SPG11: variants seen among roughly 807,000 people sequenced by gnomAD.
The protein encoded by SPG11 is SPG11 vesicle trafficking associated, spatacsin, also known as spatacsin.
Under a neutral mutation model 274.0 loss-of-function variants are expected in SPG11, and 222 were observed. That is an observed-to-expected ratio of 0.81 (90% CI 0.73 to 0.91). The LOEUF (loss-of-function observed/expected upper bound fraction) is 0.91. SPG11 is among the 40% of genes least tolerant of loss of function. The pLI is 0.00. For synonymous variants in SPG11, 1,144 were observed against 1,039.7 expected (o/e 1.10, Z -1.93); for missense variants, 3,114 against 2,872.7 (o/e 1.08, Z -1.92).
intron 24 of SPG11, 152 bp from the exon 25 acceptor site, chr15:44,596,507 C>T (rs926795322): frequency 2.0e-6 from 2 of 991,202 alleles, no homozygotes; most frequent in African/African-American, 1.6e-5. Flanking sequence ...CTGTATGGTG[C>T]CTTTTAATGA....
chr15:44,598,171 T>G, intron 23 of SPG11, 94 bp downstream of exon 23: 1 of 846,834 alleles, frequency 1.2e-6, no homozygotes, highest in Non-Finnish European at 2.0e-6. Context: ...GGGGATTTAG[T>G]GAAAACACCA....
At chr15:44,636,027 C>A (rs1450272059) in intron 7 of SPG11, among the ~76,000 whole-genome samples, 2 of 152,000 alleles carry the variant, frequency 1.3e-5, no homozygotes, top group African/African-American at 4.8e-5. Flanking sequence ...GCCCCTAGAC[C>A]TTCTAATTCA....
Position 44,573,677 on chromosome 15 carries a change from G to T in SPG11, c.6075C>A (p.Ala2025=), listed in dbSNP as rs1430809185. The change falls in exon 32 of 40, where the codon GCC becomes GCA. Residue 2025 remains alanine (A), a synonymous_variant. Transcript: ENST00000261866. ...GTTTGCATCGGTCAGGCTGCTGAGA[G>T]GCCAAGATTTTCCGGAGCATGGCTT... ...DGEAMLRKIL[A]SQQPDRCKRA... 6.2e-7 allele frequency: 1 copy of T among 1,614,206 alleles called. No homozygotes were observed.
At chr15:44,564,984 G>A (rs995567428) in intron 38 of SPG11, among the ~76,000 whole-genome samples, 3 of 152,100 alleles carry the variant, frequency 2.0e-5, no homozygotes, top group East Asian at 1.9e-4. Context: ...AGATCCTCCC[G>A]CCTCAGCCTC....
rs947092732 is a variant in SPG11, at chr15:44,631,185, C to T, written c.1736-1797G>A. ...ATATATGTGAAATTACACACACATACAGCATTTCTAGCACACTGTTAACAG... is the reference window on the plus strand; with the variant it reads ...ATATATGTGAAATTACACACACATATAGCATTTCTAGCACACTGTTAACAG... On this transcript the variant is annotated intron_variant, in intron 8 of 39. Coordinates refer to ENST00000261866, the MANE Select transcript of SPG11 (RefSeq NM_025137.4). Among the ~76,000 whole-genome samples, 9 of 152,086 alleles carry T rather than the reference C, an allele frequency of 5.9e-5. No individual in the cohort carries two copies. In the South Asian group the frequency reaches 1.7e-3, roughly 28 times the overall value.
At chr15:44,622,899 C>T (rs2083794118) in intron 11 of SPG11, 100 bp from the exon 12 acceptor site, 3 of 863,848 alleles carry the variant, frequency 3.5e-6, no homozygotes, top group Non-Finnish European at 6.0e-6. Context: ...TTATAAACAT[C>T]TATCTTGTTA....
chr15:44,633,737 G>A (rs2084153069), intron 7 of SPG11, 100 bp from the exon 8 acceptor site: 3 of 1,290,012 alleles, frequency 2.3e-6, no homozygotes, highest in Admixed American at 4.0e-5. Context: ...AATGTGGTGA[G>A]ACTACAGGAG....
intron 29 of SPG11, 36 bp from the exon 30 acceptor site, chr15:44,584,594 T>G (rs1033999482): frequency 1.3e-5 from 21 of 1,599,718 alleles, no homozygotes; most frequent in Non-Finnish European, 1.7e-5. Flanking sequence ...TAGCCTTTCT[T>G]GGATAAAAAA....
intron 7 of SPG11, among the ~76,000 whole-genome samples, chr15:44,641,465 G>T (rs568373615): frequency 1.3e-5 from 2 of 151,456 alleles, no homozygotes; most frequent in East Asian, 3.9e-4. Context: ...AAACAACAAA[G>T]AATTGGTATC....
intron 10 of SPG11, among the ~76,000 whole-genome samples, chr15:44,627,379 C>T (rs2083931396): frequency 6.6e-6 from 1 of 152,140 alleles, no homozygotes; most frequent in Non-Finnish European, 1.5e-5. Context: ...TCTATGTGTA[C>T]ACATTCACAT....
intron 26 of SPG11, 90 bp from the exon 27 acceptor site, chr15:44,592,528 T>C: frequency 1.2e-6 from 1 of 830,648 alleles, no homozygotes; most frequent in South Asian, 1.4e-5. Flanking sequence ...TTAAAAATGC[T>C]ATTAATAAGG....
chr15:44,572,709 G>C lies in SPG11; in HGVS notation c.6317C>G (p.Ser2106Cys). 6.2e-7 allele frequency: 1 copy of C among 1,614,148 alleles called. No individual in the cohort carries two copies. The highest frequency in any genetic ancestry group is 2.2e-5 in the East Asian group (1 of 44,878). The change falls in exon 33 of 40, where the codon TCC becomes TGC. Residue 2106 changes from serine (S) to cysteine (C), a missense_variant. By Grantham distance (112) the Ser-to-Cys change is moderately radical (BLOSUM62 -1). Coordinates refer to ENST00000261866, the MANE Select transcript of SPG11 (RefSeq NM_025137.4). Reference sequence around the variant, plus strand: ...GCAAGACAGTTCCCCATGGGGAACGGAGGAAATCTTATCCAACAACTTCAT... The same window carrying C: ...GCAAGACAGTTCCCCATGGGGAACGCAGGAAATCTTATCCAACAACTTCAT... The part of the protein sequence containing the change: ...VGMKLLDKIS[S>C]VPHGELSCTT...
In SPG11 at chr15:44,583,905, C is replaced by G. The variant is rs1567138139; in HGVS notation, c.5775G>C (p.Glu1925Asp). Residue 1925 changes from glutamate (E) to aspartate (D), a missense_variant, in exon 30 of 40, where the codon GAG becomes GAC. Physicochemically the swap from Glu to Asp is conservative, Grantham distance 45. Coordinates refer to ENST00000261866, the MANE Select transcript of SPG11 (RefSeq NM_025137.4). ...RALASGEASM[E>D]DLHPEIHALL... Reference sequence around the variant, plus strand: ...GAGCATGGATCTCTGGGTGCAGATCCTCCATACTAGCTTCCCCTGAGGCCA... The same window carrying G: ...GAGCATGGATCTCTGGGTGCAGATCGTCCATACTAGCTTCCCCTGAGGCCA... 2 of 1,614,182 alleles carry G rather than the reference C, an allele frequency of 1.2e-6. No homozygotes were observed. The highest frequency in any genetic ancestry group is 1.7e-6 in the Non-Finnish European group (2 of 1,180,038).
rs312262750 is a variant in SPG11 at position 44,615,558 on chromosome 15, A to AC, written c.2842dup (p.Val948GlyfsTer6). 1.2e-6 allele frequency: 2 copies of AC among 1,613,848 alleles called. No individual in the cohort carries two copies. The highest frequency in any genetic ancestry group is 1.7e-6 in the Non-Finnish European group (2 of 1,180,000). ...GTCTTCCAGTTCAGATGCCAAAAAA[A>AC]CCCCATTCCTATGGACAGATTTATA... is the stretch of plus-strand genomic sequence containing the variant. On this transcript the variant is annotated frameshift_variant, in exon 16 of 40. Transcript: ENST00000261866. LOFTEE classifies it high-confidence loss of function.
intron 20 of SPG11, among the ~76,000 whole-genome samples, chr15:44,605,044 A>G (rs150447301): frequency 6.6e-6 from 1 of 151,788 alleles, no homozygotes; most frequent in Non-Finnish European, 1.5e-5. Context: ...AGCAGGGAAC[A>G]TGCTTTCAAC....
chr15:44,636,787 G>A (rs1188736221), intron 7 of SPG11, among the ~76,000 whole-genome samples: 4 of 151,560 alleles, frequency 2.6e-5, no homozygotes, highest in African/African-American at 7.3e-5. Flanking sequence ...TTAGCCAGGC[G>A]TGGTGGTGCA....
At chr15:44,626,300 A>AT in intron 11 of SPG11, 31 bp downstream of exon 11, 1 of 1,561,334 alleles carries the variant, frequency 6.4e-7, no homozygotes, top group South Asian at 1.2e-5. Context: ...TATTAAATAC[A>AT]TTTTAAGACT....
chr15:44,566,033 A>T, intron 37 of SPG11, 24 bp from the exon 38 acceptor site: 2 of 1,613,130 alleles, frequency 1.2e-6, no homozygotes, highest in Non-Finnish European at 1.7e-6. Context: ...GTGGAGAGGC[A>T]CAGTAGAGAA....
At chr15:44,582,633 T>C (rs772246230) in intron 30 of SPG11, among the ~76,000 whole-genome samples, 8 of 151,986 alleles carry the variant, frequency 5.3e-5, no homozygotes, top group African/African-American at 1.2e-4. Flanking sequence ...AAACAGCAAA[T>C]TGATTCCAGC....
Sources: gnomAD v4.1 joint callset for allele counts (sites outside exome capture counted in the v4.1 genomes callset) on GRCh38, gnomAD v4.1.1 for gene constraint, MANE v1.5 for transcripts, NCBI Gene and HGNC (gene_info 2026-07-23, HGNC 2026-07-21) for gene names.